Variants in CNTNAP5 observed in about 807,000 individuals in gnomAD.
CNTNAP5 encodes contactin-associated protein-like 5.
A neutral mutation model predicts 150.2 loss-of-function variants in CNTNAP5; 72 were observed. That is an observed-to-expected ratio of 0.48 (90% CI 0.40 to 0.58). The LOEUF is 0.58. Among genes scored for constraint, CNTNAP5 ranks in the 20% least tolerant of loss-of-function variants. The pLI, the probability that CNTNAP5 is intolerant of heterozygous loss-of-function variation, is 0.00. For synonymous variants in CNTNAP5, 672 were observed against 619.8 expected, an observed-to-expected ratio of 1.08 and a Z score of -1.25; for missense variants, 1,636 against 1,626.2, an observed-to-expected ratio of 1.01 and a Z score of -0.10.
rs537870153 is a variant in CNTNAP5 at position 124,328,129 on chromosome 2, G to T, written c.381+85736G>T. Among the ~76,000 whole-genome samples, 3 of 151,706 alleles carry T rather than the reference G, an allele frequency of 2.0e-5. No individual in the cohort carries two copies. The East Asian group carries it at 5.8e-4, about 29-fold the overall frequency. On this transcript the variant is annotated intron_variant, in intron 3 of 23. Transcript: ENST00000682447. ...TTTAAAAAAGTTATGTTTAATTCAG[G>T]TCCTACAACACATTTTTTTTTTTGA... is the stretch of plus-strand genomic sequence containing the variant.
chr2:124,408,764 G>T (rs1394522458), intron 3 of CNTNAP5, among the ~76,000 whole-genome samples: 9 of 151,398 alleles, frequency 5.9e-5, no homozygotes, highest in Non-Finnish European at 1.3e-4. Flanking sequence ...ACCAAAAGTA[G>T]ATAAAACCAC....
chr2:124,152,478 T>A (rs1684429394), intron 1 of CNTNAP5, among the ~76,000 whole-genome samples: 1 of 152,218 alleles, frequency 6.6e-6, no homozygotes, highest in Non-Finnish European at 1.5e-5. Context: ...CTTTTGCTCA[T>A]TCCTTTGTTC....
intron 1 of CNTNAP5, among the ~76,000 whole-genome samples, chr2:124,125,054 A>T (rs1683655765): frequency 6.6e-6 from 1 of 152,238 alleles, no homozygotes. Context: ...TCAAATTCAC[A>T]CATAACAATA....
At chr2:124,554,467 C>T (rs1469920563) in intron 10 of CNTNAP5, among the ~76,000 whole-genome samples, 1 of 145,148 alleles carries the variant, frequency 6.9e-6, no homozygotes, top group Admixed American at 7.2e-5. Flanking sequence ...GTCACCCAGA[C>T]TGGAGTGTAG....
At chr2:124,103,863 A>T (rs1463477765) in intron 1 of CNTNAP5, among the ~76,000 whole-genome samples, 2 of 147,868 alleles carry the variant, frequency 1.4e-5, no homozygotes, top group Non-Finnish European at 3.0e-5. Context: ...ATATATAAAT[A>T]AATTTATATA....
At chr2:124,341,507 T>C (rs1028575537) in intron 3 of CNTNAP5, among the ~76,000 whole-genome samples, 2 of 152,144 alleles carry the variant, frequency 1.3e-5, no homozygotes. Flanking sequence ...TGGCAAAGAA[T>C]CTCATTAAAC....
At chr2:124,131,808 C>A (rs1327567395) in intron 1 of CNTNAP5, among the ~76,000 whole-genome samples, 1 of 152,114 alleles carries the variant, frequency 6.6e-6, no homozygotes, top group Non-Finnish European at 1.5e-5. Context: ...ACTATGGAAG[C>A]TTTAGAAAGA....
At chr2:124,203,171 A>G (rs1475187049) in intron 1 of CNTNAP5, among the ~76,000 whole-genome samples, 1 of 152,154 alleles carries the variant, frequency 6.6e-6, no homozygotes, top group Non-Finnish European at 1.5e-5. Context: ...AAGGGGTTAC[A>G]GGCCCCATGC....
intron 3 of CNTNAP5, among the ~76,000 whole-genome samples, chr2:124,378,827 G>A (rs148055842): frequency 1.7e-3 from 262 of 152,116 alleles, no homozygotes; most frequent in Middle Eastern, 6.8e-3. Context: ...GTGGATACTC[G>A]TTACTCTCTG....
At chr2:124,489,537 T>C (rs1464398594) in intron 7 of CNTNAP5, among the ~76,000 whole-genome samples, 1 of 152,160 alleles carries the variant, frequency 6.6e-6, no homozygotes, top group Admixed American at 6.5e-5. Context: ...CTTCAACACA[T>C]GAATTTAGAG....
At chr2:124,680,899 A>G (rs1679052674) in intron 13 of CNTNAP5, 1 of 151,776 alleles carries the variant, frequency 6.6e-6, no homozygotes, top group Non-Finnish European at 1.5e-5. Flanking sequence ...GGGCTATTAT[A>G]GTAGTGGAAG....
At chr2:124,508,126 G>A (rs1184210035) in intron 8 of CNTNAP5, among the ~76,000 whole-genome samples, 2 of 152,112 alleles carry the variant, frequency 1.3e-5, no homozygotes, top group African/African-American at 4.8e-5. Context: ...ATTAAATGAG[G>A]TAGTATATCT....
chr2:124,130,883 T>C (rs1683828298), intron 1 of CNTNAP5, among the ~76,000 whole-genome samples: 1 of 152,142 alleles, frequency 6.6e-6, no homozygotes, highest in Admixed American at 6.6e-5. Flanking sequence ...AGAATATGCA[T>C]TCATTAAAAT....
At position 124,914,639 on chromosome 2, in the gene CNTNAP5, CA is replaced by C; in HGVS notation, c.*352del. 1 of 175,978 alleles carries C rather than the reference CA, an allele frequency of 5.7e-6. No homozygotes were observed. Among genetic ancestry groups the C allele is most frequent in the African/African-American group, 2.4e-5 (1 of 42,220 alleles). 10.9% of individuals were successfully genotyped at this position (175,978 alleles called of 1,614,324 possible). ...TCAGTTTTCCAACCACTTGGTGGTT[CA>C]GGCTTGCTTTGAACCTGAGCTCTTA... On this transcript the variant is annotated 3_prime_UTR_variant, in exon 24 of 24. Transcript: ENST00000682447.
At chr2:124,759,933 T>A (rs1680922335) in intron 14 of CNTNAP5, among the ~76,000 whole-genome samples, 2 of 124,088 alleles carry the variant, frequency 1.6e-5, no homozygotes, top group African/African-American at 2.9e-5. Flanking sequence ...CCTAAACTCC[T>A]CGGTCTTTTT....
At chr2:124,200,707 T>C (rs1685708925) in intron 1 of CNTNAP5, among the ~76,000 whole-genome samples, 1 of 152,208 alleles carries the variant, frequency 6.6e-6, no homozygotes, top group Admixed American at 6.5e-5. Context: ...TGTAACCTGA[T>C]TTCGAAGCTG....
At chr2:124,410,714 G>T (rs1313638291) in intron 3 of CNTNAP5, among the ~76,000 whole-genome samples, 12 of 151,576 alleles carry the variant, frequency 7.9e-5, no homozygotes, top group Admixed American at 2.0e-4. Context: ...AGAATCTCTG[G>T]GACGCATTCA....
chr2:124,381,655 G>T (rs902235250), intron 3 of CNTNAP5, among the ~76,000 whole-genome samples: 1 of 152,106 alleles, frequency 6.6e-6, no homozygotes, highest in Non-Finnish European at 1.5e-5. Flanking sequence ...GAAATGAAAG[G>T]CTTTGCTTGA....
chr2:124,755,670 G>T (rs556545593), intron 14 of CNTNAP5, among the ~76,000 whole-genome samples: 1 of 152,138 alleles, frequency 6.6e-6, no homozygotes, highest in Non-Finnish European at 1.5e-5. Flanking sequence ...CCCAATGTCT[G>T]CATTTTTTAA....
Sources: allele counts gnomAD v4.1 joint callset (sites outside exome capture counted in the v4.1 genomes callset), GRCh38; gene constraint gnomAD v4.1.1; transcripts MANE v1.5; gene names NCBI Gene and HGNC (gene_info 2026-07-23, HGNC 2026-07-21).